The following MYCBP2 variants were observed in gnomAD, a reference collection of about 807,000 sequenced individuals.
The protein encoded by MYCBP2 is E3 ubiquitin-protein ligase MYCBP2.
MYCBP2 carries 120 observed loss-of-function variants against 525.3 expected under a neutral mutation model. The observed-to-expected ratio is 0.23, with a 90% CI of 0.20 to 0.27. MYCBP2 has a LOEUF of 0.27. Among genes scored for constraint, MYCBP2 ranks in the 10% least tolerant of loss-of-function variants. The pLI is 1.00. For missense variants in MYCBP2, 4,149 were observed against 5,657.1 expected, an observed-to-expected ratio of 0.73 and a Z score of 8.55; for synonymous variants, 1,894 against 1,955.8, an observed-to-expected ratio of 0.97 and a Z score of 0.83.
Position 77,296,651 on chromosome 13 carries a change from T to A in MYCBP2, c.326A>T (p.Lys109Met). Residue 109 changes from lysine (K) to methionine (M), a missense_variant, in exon 2 of 83, where the codon AAG becomes ATG. Physicochemically the swap from Lys to Met is moderately conservative, Grantham distance 95. Transcript: ENST00000544440. ...ASRNKKILNK[K>M]KLKRKQKSKS... ...GCTCTTCTGTTTTCTTTTCAATTTCTTCTTATTTAAAATTTTCTTATTCCT... is the reference window on the plus strand; with the variant it reads ...GCTCTTCTGTTTTCTTTTCAATTTCATCTTATTTAAAATTTTCTTATTCCT... 1.3e-6 allele frequency: 2 copies of A among 1,503,752 alleles called. No individual in the cohort carries two copies. Among genetic ancestry groups the A allele is most frequent in the East Asian group, 2.4e-5 (1 of 42,532 alleles). The allele number at this position is 1,503,752 out of a possible 1,614,324, so 93.2% of individuals were successfully genotyped here.
intron 19 of MYCBP2, 143 bp downstream of exon 19, chr13:77,225,292 T>TA (rs1594092931): frequency 9.9e-7 from 1 of 1,010,398 alleles, no homozygotes; most frequent in East Asian, 2.6e-5. Flanking sequence ...CTGTAATAAA[T>TA]ACAAAGGTCT....
chr13:77,248,567 A>T (rs1359544330), intron 15 of MYCBP2, among the ~76,000 whole-genome samples: 2 of 152,192 alleles, frequency 1.3e-5, no homozygotes, highest in Admixed American at 1.3e-4. Flanking sequence ...CTATAATGAG[A>T]TACTATCTCA....
chr13:77,069,612 T>G (rs1181680939), intron 69 of MYCBP2, among the ~76,000 whole-genome samples: 2 of 149,532 alleles, frequency 1.3e-5, no homozygotes, highest in African/African-American at 4.9e-5. Flanking sequence ...ATCCCAGCAC[T>G]TTGGGAGGCC....
At chr13:77,270,629 A>G (rs1222435722) in intron 5 of MYCBP2, 91 bp from the exon 6 acceptor site, 1 of 1,270,116 alleles carries the variant, frequency 7.9e-7, no homozygotes, top group Non-Finnish European at 1.1e-6. Flanking sequence ...CATCATTCAT[A>G]AGACAATAAA....
Position 77,270,459 on chromosome 13 carries a change from C to G in MYCBP2, c.1025G>C (p.Ser342Thr). ...VGKIQIQDWF[S>T]NGIKKAALMH... is the part of the protein sequence containing the mutation. Reference sequence around the variant, plus strand: ...TAAAGCTGCTTTCTTAATGCCATTACTAAACCAGTCCTGAATTTGAATTTT... The same window carrying G: ...TAAAGCTGCTTTCTTAATGCCATTAGTAAACCAGTCCTGAATTTGAATTTT... Residue 342 changes from serine (S) to threonine (T), a missense_variant, in exon 6 of 83, where the codon AGT becomes ACT. By Grantham distance (58) the Ser-to-Thr change is moderately conservative. Coordinates refer to ENST00000544440, the MANE Select transcript of MYCBP2 (RefSeq NM_015057.5). 1 of 1,613,748 alleles carries G rather than the reference C, an allele frequency of 6.2e-7. No individual in the cohort carries two copies. Among genetic ancestry groups the G allele is most frequent in the Non-Finnish European group, 8.5e-7 (1 of 1,179,826 alleles).
At chr13:77,116,968 T>A (rs1343721629) in intron 55 of MYCBP2, among the ~76,000 whole-genome samples, 2 of 152,084 alleles carry the variant, frequency 1.3e-5, no homozygotes, top group Non-Finnish European at 2.9e-5. Context: ...ATTTTTCATT[T>A]AAAACTGAAT....
In MYCBP2 at chr13:77,150,892, C is replaced by T. The variant is rs927664284; in HGVS notation, c.6973G>A (p.Ala2325Thr). The change falls in exon 47 of 83, where the codon GCA becomes ACA. Residue 2325 changes from alanine (A) to threonine (T), a missense_variant. Physicochemically the swap from Ala to Thr is moderately conservative, Grantham distance 58. Coordinates refer to ENST00000544440, the MANE Select transcript of MYCBP2 (RefSeq NM_015057.5). ...CCAGGAATCCTTTGAGGTTTCTTTG[C>T]TTGATCTTGTTGTAAAGACATTTTT... ...QKKMSLQQDQ[A>T]KKPQRIPGSP... 1 of 1,613,978 alleles carries T rather than the reference C, an allele frequency of 6.2e-7. No homozygotes were observed. The highest frequency in any genetic ancestry group is 1.3e-5 in the African/African-American group (1 of 74,916).
intron 1 of MYCBP2, among the ~76,000 whole-genome samples, chr13:77,325,946 T>C (rs2082236391): frequency 6.6e-6 from 1 of 151,928 alleles, no homozygotes; most frequent in Non-Finnish European, 1.5e-5. Flanking sequence ...ACTCAACCAA[T>C]CTATACCATG....
chr13:77,158,259 T>A, intron 44 of MYCBP2, 150 bp from the exon 45 acceptor site: 1 of 474,268 alleles, frequency 2.1e-6, no homozygotes, highest in South Asian at 5.5e-5. Flanking sequence ...ACCCACAGAA[T>A]AGGAAATTCC....
At chr13:77,312,422 A>G (rs548523537) in intron 1 of MYCBP2, among the ~76,000 whole-genome samples, 2 of 152,232 alleles carry the variant, frequency 1.3e-5, no homozygotes, top group African/African-American at 2.4e-5. Context: ...TATAGTATGC[A>G]TGACAACTAT....
At chr13:77,059,060 A>C (rs76035588) in intron 77 of MYCBP2, among the ~76,000 whole-genome samples, 1 of 146,694 alleles carries the variant, frequency 6.8e-6, no homozygotes, top group African/African-American at 2.5e-5. Flanking sequence ...CAAAATGCAG[A>C]TTTTTTTTTT....
intron 52 of MYCBP2, among the ~76,000 whole-genome samples, chr13:77,138,565 T>C (rs2054108089): frequency 6.6e-6 from 1 of 152,206 alleles, no homozygotes; most frequent in Non-Finnish European, 1.5e-5. Context: ...TCCTGGTTAA[T>C]ATATAAAACG....
intron 11 of MYCBP2, 48 bp downstream of exon 11, chr13:77,262,005 C>T: frequency 2.1e-6 from 3 of 1,437,728 alleles, no homozygotes; most frequent in Non-Finnish European, 1.9e-6. Context: ...GTATTTTAAT[C>T]TCTTAAATCA....
chr13:77,116,658 T>C (rs1034428119), intron 55 of MYCBP2, among the ~76,000 whole-genome samples: 22 of 152,100 alleles, frequency 1.4e-4, no homozygotes, highest in African/African-American at 4.8e-4. Context: ...AATTGAAACA[T>C]AGCTAAGCCA....
chr13:77,088,657 A>T (rs1383156042), intron 61 of MYCBP2, among the ~76,000 whole-genome samples, 175 bp downstream of exon 61: 1 of 152,208 alleles, frequency 6.6e-6, no homozygotes, highest in African/African-American at 2.4e-5. Flanking sequence ...TTCTAAATTC[A>T]TTTATATTCA....
chr13:77,186,137 A>G, intron 30 of MYCBP2, 74 bp from the exon 31 acceptor site: 1 of 1,092,426 alleles, frequency 9.2e-7, no homozygotes. Context: ...TGGAAAGGCA[A>G]TGGTAGACAA....
chr13:77,113,100 T>G (rs1256909107), intron 55 of MYCBP2, among the ~76,000 whole-genome samples: 2 of 152,196 alleles, frequency 1.3e-5, no homozygotes, highest in African/African-American at 2.4e-5. Context: ...TAAAATACTT[T>G]GTGATTCATT....
intron 55 of MYCBP2, among the ~76,000 whole-genome samples, chr13:77,110,994 T>C (rs2048722739): frequency 6.6e-6 from 1 of 152,040 alleles, no homozygotes; most frequent in African/African-American, 2.4e-5. Context: ...GGAAAGACAA[T>C]CTGATGATAA....
At chr13:77,308,325 C>G (rs1436865568) in intron 1 of MYCBP2, among the ~76,000 whole-genome samples, 1 of 152,186 alleles carries the variant, frequency 6.6e-6, no homozygotes, top group African/African-American at 2.4e-5. Flanking sequence ...TATTCCCATT[C>G]TCTCTCTCTT....
Sources: gnomAD v4.1 joint callset for allele counts (sites outside exome capture counted in the v4.1 genomes callset) on GRCh38, gnomAD v4.1.1 for gene constraint, MANE v1.5 for transcripts, NCBI Gene and HGNC (gene_info 2026-07-23, HGNC 2026-07-21) for gene names.